The following GAREM2 variants were observed in gnomAD, a reference collection of about 807,000 sequenced individuals.
The protein encoded by GAREM2 is GRB2-associated and regulator of MAPK protein 2.
GAREM2 carries 30 observed loss-of-function variants against 55.6 expected under a neutral mutation model. The ratio of observed to expected loss-of-function variants is 0.54; its 90% CI spans 0.40 to 0.73. The LOEUF (loss-of-function observed/expected upper bound fraction) is 0.73, where lower values mean the gene tolerates loss of function less well. Among genes scored for constraint, GAREM2 ranks in the 30% least tolerant of loss-of-function variants. The pLI, the probability that GAREM2 is intolerant of heterozygous loss-of-function variation, is 0.00. For missense variants in GAREM2, 1,075 were observed against 1,257.7 expected, an observed-to-expected ratio of 0.85 and a Z score of 2.20; for synonymous variants, 550 against 569.1, an observed-to-expected ratio of 0.97 and a Z score of 0.48.
At chr2:26,191,727 G>A, downstream of GAREM2, 2 of 1,220,830 alleles carry the variant, frequency 1.6e-6, no homozygotes, top group African/African-American at 1.5e-5. Context: ...TGCATGGGGA[G>A]CTCTGTGGGC....
At chr2:26,197,894 A>T in the GAREM2 span, 1 of 736,468 alleles carries the variant, frequency 1.4e-6, no homozygotes, top group Non-Finnish European at 2.5e-6. Context: ...ACAACTGCTC[A>T]GACAGTAGAT....
intron 2 of GAREM2, chr2:26,182,271 C>G (rs1010849822): frequency 7.0e-7 from 1 of 1,431,396 alleles, no homozygotes; most frequent in Admixed American, 2.9e-5. Context: ...CCCCAGACTG[C>G]AGGTTGGGAA....
downstream of GAREM2, chr2:26,193,806 AGG>A: frequency 6.4e-7 from 1 of 1,567,794 alleles, no homozygotes; most frequent in Non-Finnish European, 8.8e-7. Flanking sequence ...CCTCAGGGGA[AGG>A]GCAGCCCAAA....
chr2:26,175,751 G>T (rs1161300185), intron 1 of GAREM2, among the ~76,000 whole-genome samples: 3 of 152,164 alleles, frequency 2.0e-5, no homozygotes, highest in African/African-American at 7.2e-5. Context: ...GTGGCTCTGG[G>T]GGAGCTCTCA....
Position 26,184,767 on chromosome 2 carries a change from C to A in GAREM2, c.919C>A (p.Arg307Ser). ...GGTGGTGCTGGGGCTGGCGCTGCGC[C>A]GCGAGGGCCCGGCGCCGCTGCACTT... ...KTVVLGLALRREGPAPLHFLL... is the reference protein window; with the variant it reads ...KTVVLGLALRSEGPAPLHFLL... Residue 307 changes from arginine (R) to serine (S), a missense_variant, in exon 4 of 6, where the codon CGC becomes AGC. By Grantham distance (110) the Arg-to-Ser change is moderately radical. This residue lies in a region of GAREM2 where 170 missense variants were observed against 220.7 expected (regional missense o/e 0.77). Coordinates refer to ENST00000401533, the MANE Select transcript of GAREM2 (RefSeq NM_001168241.2). 6.7e-7 allele frequency: 1 copy of A among 1,495,358 alleles called. No individual in the cohort carries two copies. The highest frequency in any genetic ancestry group is 1.2e-5 in the South Asian group (1 of 80,036). The allele number at this position is 1,495,358 out of a possible 1,614,324, so 92.6% of individuals were successfully genotyped here.
chr2:26,197,051 G>A, the GAREM2 span, among the ~76,000 whole-genome samples: 5 of 152,226 alleles, frequency 3.3e-5, no homozygotes, highest in Non-Finnish European at 7.3e-5. Flanking sequence ...ACTTTCAGCT[G>A]CTTAAAGTTC....
At chr2:26,202,833 G>C in the GAREM2 span, among the ~76,000 whole-genome samples, 4 of 152,236 alleles carry the variant, frequency 2.6e-5, no homozygotes, top group African/African-American at 7.2e-5. Context: ...CAAGATACTT[G>C]TCAGCATTCA....
Position 26,185,237 on chromosome 2 carries a change from G to A in GAREM2, c.1389G>A (p.Pro463=). ...FGAAGPPRRE[P]EAPPPPVPPK... is the part of the protein sequence containing the mutation. ...CCGCGGGACCGCCGCGTCGGGAGCCGGAAGCGCCGCCGCCTCCAGTCCCTC... is the reference window on the plus strand; with the variant it reads ...CCGCGGGACCGCCGCGTCGGGAGCCAGAAGCGCCGCCGCCTCCAGTCCCTC... The change falls in exon 4 of 6, where the codon CCG becomes CCA. Residue 463 remains proline (P), a synonymous_variant. Transcript: ENST00000401533. 1 of 1,520,964 alleles carries A rather than the reference G, an allele frequency of 6.6e-7. No homozygotes were observed. Among genetic ancestry groups the A allele is most frequent in the Non-Finnish European group, 8.8e-7 (1 of 1,141,082 alleles). The allele number at this position is 1,520,964 out of a possible 1,614,324, so 94.2% of individuals were successfully genotyped here.
downstream of GAREM2, among the ~76,000 whole-genome samples, chr2:26,194,225 G>A (rs1475125433): frequency 1.3e-5 from 2 of 152,110 alleles, no homozygotes; most frequent in Non-Finnish European, 2.9e-5. Context: ...TCTGTGTGCT[G>A]TGGAAACAGA....
chr2:26,204,226 TA>T, the GAREM2 span: 1 of 1,608,560 alleles, frequency 6.2e-7, no homozygotes, highest in Non-Finnish European at 8.5e-7. Context: ...TGACTTTCGG[TA>T]AACTGATCTT....
the GAREM2 span, among the ~76,000 whole-genome samples, chr2:26,201,705 A>G: frequency 6.6e-6 from 1 of 152,266 alleles, no homozygotes; most frequent in Non-Finnish European, 1.5e-5. Context: ...TGACAGGGGA[A>G]GCAGCCAAAG....
At chr2:26,197,745 G>T in the GAREM2 span, 2 of 1,553,698 alleles carry the variant, frequency 1.3e-6, no homozygotes, top group Non-Finnish European at 1.8e-6. Context: ...GAGCAGATGT[G>T]TTACTGGCAA....
chr2:26,187,678 C>T lies in GAREM2; in HGVS notation c.2046C>T (p.Ser682=). ...GQAYSAAPPS[S]CAPSSSSSSE... Reference sequence around the variant, plus strand: ...CCTATTCAGCTGCTCCCCCCTCCTCCTGCGCCCCCTCCTCCTCCTCTTCTT... The same window carrying T: ...CCTATTCAGCTGCTCCCCCCTCCTCTTGCGCCCCCTCCTCCTCCTCTTCTT... The change falls in exon 6 of 6, where the codon TCC becomes TCT. Residue 682 remains serine, a synonymous_variant. Coordinates refer to ENST00000401533, the MANE Select transcript of GAREM2 (RefSeq NM_001168241.2). 1 of 1,512,038 alleles carries T rather than the reference C, an allele frequency of 6.6e-7. No individual in the cohort carries two copies. Among genetic ancestry groups the T allele is most frequent in the Non-Finnish European group, 8.9e-7 (1 of 1,128,210 alleles). 93.7% of individuals were successfully genotyped at this position (1,512,038 alleles called of 1,614,324 possible).
intron 2 of GAREM2, chr2:26,180,975 T>C (rs1669033292): frequency 9.1e-6 from 9 of 985,550 alleles, no homozygotes; most frequent in Non-Finnish European, 1.1e-5. Context: ...AGTCCCTTCC[T>C]TCCCCACCTC....
Position 26,187,968 on chromosome 2 carries a change from A to T in GAREM2, c.2336A>T (p.Glu779Val). 2 of 1,455,958 alleles carry T rather than the reference A, an allele frequency of 1.4e-6. No individual in the cohort carries two copies. Among genetic ancestry groups the T allele is most frequent in the Non-Finnish European group, 1.8e-6 (2 of 1,099,306 alleles). 90.2% of individuals were successfully genotyped at this position (1,455,958 alleles called of 1,614,324 possible). A position where few individuals can be genotyped will look rare whatever the true frequency, so the allele number is the denominator to read the frequency against. ...GALFLTQGRL[E>V]GPPASPRDGA... ...CTTTTTCTAACCCAAGGGCGCCTGG[A>T]AGGGCCTCCTGCCAGTCCCCGGGAT... Residue 779 changes from glutamate (E) to valine (V), a missense_variant, in exon 6 of 6, where the codon GAA becomes GTA. Physicochemically the swap from Glu to Val is moderately radical, Grantham distance 121. Transcript: ENST00000401533.
downstream of GAREM2, chr2:26,191,415 T>C: frequency 6.2e-7 from 1 of 1,614,138 alleles, no homozygotes; most frequent in Non-Finnish European, 8.5e-7. Context: ...GAAAGAGGAC[T>C]TCGTTGAAGG....
chr2:26,191,764 T>C, downstream of GAREM2: 1 of 880,964 alleles, frequency 1.1e-6, no homozygotes, highest in Non-Finnish European at 1.9e-6. Context: ...TCAGAGAAGA[T>C]GCTGCCTGGG....
Position 26,185,239 on chromosome 2 carries a change from A to C in GAREM2, c.1391A>C (p.Glu464Ala). The change falls in exon 4 of 6, where the codon GAA becomes GCA. Residue 464 changes from glutamate to alanine, a missense_variant. Glu to Ala is a moderately radical substitution (Grantham distance 107). Transcript: ENST00000401533. ...GCGGGACCGCCGCGTCGGGAGCCGG[A>C]AGCGCCGCCGCCTCCAGTCCCTCCC... ...GAAGPPRREP[E>A]APPPPVPPKS... 1 of 1,521,236 alleles carries C rather than the reference A, an allele frequency of 6.6e-7. No homozygotes were observed. The allele number at this position is 1,521,236 out of a possible 1,614,324, so 94.2% of individuals were successfully genotyped here.
At chr2:26,191,403 G>C (rs368976628), downstream of GAREM2, 434 of 1,614,084 alleles carry the variant, frequency 2.7e-4, 1 homozygote, top group Non-Finnish European at 3.6e-4. Context: ...GCCCTGAATA[G>C]AGAAAGAGGA....
Sources: allele counts gnomAD v4.1 joint callset (sites outside exome capture counted in the v4.1 genomes callset), GRCh38; gene constraint gnomAD v4.1.1; regional missense constraint gnomAD v4.1.1; transcripts MANE v1.5; gene names NCBI Gene and HGNC (gene_info 2026-07-23, HGNC 2026-07-21).